Variants in AUTS2 observed in about 807,000 individuals in gnomAD.
AUTS2 encodes autism susceptibility gene 2 protein.
AUTS2 carries 17 observed loss-of-function variants against 112.4 expected under a neutral mutation model. The observed-to-expected ratio is 0.15, with a 90% CI of 0.10 to 0.23. The LOEUF (loss-of-function observed/expected upper bound fraction) is 0.23. AUTS2 is among the 10% of genes least tolerant of loss of function. The probability of loss-of-function intolerance (pLI) is 1.00; values close to 1 mark genes in which losing one functional copy is unlikely to be tolerated. For missense variants in AUTS2, 1,510 were observed against 1,701.6 expected (o/e 0.89, Z 1.98); for synonymous variants, 751 against 702.7 (o/e 1.07, Z -1.09).
At chr7:70,227,422 GT>G (rs1471799381) in intron 4 of AUTS2, among the ~76,000 whole-genome samples, 1 of 151,964 alleles carries the variant, frequency 6.6e-6, no homozygotes, top group Admixed American at 6.5e-5. Flanking sequence ...AATTCAATGA[GT>G]TTTAGTAAAT....
chr7:69,719,176 T>C (rs1554353529), intron 1 of AUTS2, among the ~76,000 whole-genome samples: 1 of 152,220 alleles, frequency 6.6e-6, no homozygotes, highest in Non-Finnish European at 1.5e-5. Context: ...GTAGAACCTA[T>C]TGGTTCTTGT....
chr7:70,626,119 G>T (rs1245634838), intron 5 of AUTS2, among the ~76,000 whole-genome samples: 1 of 151,816 alleles, frequency 6.6e-6, no homozygotes, highest in African/African-American at 2.4e-5. Flanking sequence ...CACCATATTG[G>T]TCAGGCTGGT....
intron 4 of AUTS2, among the ~76,000 whole-genome samples, chr7:70,188,794 T>C (rs1175400323): frequency 2.6e-5 from 4 of 151,816 alleles, no homozygotes; most frequent in African/African-American, 9.7e-5. Flanking sequence ...CTTTTTTTTT[T>C]TTTTGAGACG....
intron 4 of AUTS2, among the ~76,000 whole-genome samples, chr7:70,223,077 C>T (rs759458317): frequency 2.0e-5 from 3 of 151,812 alleles, no homozygotes; most frequent in East Asian, 1.9e-4. Context: ...TTAGTAGAGA[C>T]GGGGTTTCAC....
At chr7:70,023,643 G>T (rs1421892211) in intron 2 of AUTS2, among the ~76,000 whole-genome samples, 5 of 152,098 alleles carry the variant, frequency 3.3e-5, no homozygotes, top group African/African-American at 1.2e-4. Context: ...TTTGGAGTTT[G>T]GTTGGAGGAT....
chr7:69,846,824 T>C (rs1272705178), intron 1 of AUTS2, among the ~76,000 whole-genome samples: 2 of 152,214 alleles, frequency 1.3e-5, no homozygotes, highest in Non-Finnish European at 2.9e-5. Context: ...TCCGCCTGCC[T>C]TGGCCTCCAA....
intron 1 of AUTS2, among the ~76,000 whole-genome samples, chr7:69,677,160 T>C (rs1400448945): frequency 2.0e-5 from 3 of 152,196 alleles, no homozygotes; most frequent in Non-Finnish European, 4.4e-5. Context: ...CTGTGTACCA[T>C]TCTTTATAAA....
At chr7:70,172,901 C>T (rs1364328878) in intron 4 of AUTS2, among the ~76,000 whole-genome samples, 3 of 152,200 alleles carry the variant, frequency 2.0e-5, no homozygotes, top group South Asian at 4.1e-4. Context: ...TTCTCCAAAC[C>T]TTCAAGGATT....
intron 2 of AUTS2, among the ~76,000 whole-genome samples, chr7:70,052,306 G>C (rs1438341021): frequency 6.6e-6 from 1 of 152,124 alleles, no homozygotes; most frequent in Non-Finnish European, 1.5e-5. Context: ...AATGACAGGG[G>C]TTACAGCTAA....
chr7:69,861,252 C>T (rs1230127665), intron 1 of AUTS2, among the ~76,000 whole-genome samples: 1 of 152,160 alleles, frequency 6.6e-6, no homozygotes, highest in Non-Finnish European at 1.5e-5. Context: ...GCTTGAAGGA[C>T]CCATAAATGG....
chr7:70,726,690 T>C (rs1179399222), intron 6 of AUTS2, among the ~76,000 whole-genome samples: 1 of 152,180 alleles, frequency 6.6e-6, no homozygotes, highest in African/African-American at 2.4e-5. Flanking sequence ...TCCAGCTTAT[T>C]GCTGTTGGAG....
chr7:70,370,559 C>T (rs960552899), intron 4 of AUTS2, among the ~76,000 whole-genome samples: 8 of 152,128 alleles, frequency 5.3e-5, no homozygotes, highest in Admixed American at 3.9e-4. Context: ...ATTGATACAC[C>T]ACATTTTGTT....
At chr7:70,217,517 T>A (rs890606254) in intron 4 of AUTS2, among the ~76,000 whole-genome samples, 4 of 152,240 alleles carry the variant, frequency 2.6e-5, no homozygotes, top group Non-Finnish European at 5.9e-5. Context: ...CTTTTTTAAC[T>A]GCAAAGACTA....
At chr7:70,747,286 T>A (rs1391986957) in intron 6 of AUTS2, among the ~76,000 whole-genome samples, 1 of 152,246 alleles carries the variant, frequency 6.6e-6, no homozygotes, top group Non-Finnish European at 1.5e-5. Context: ...TCAACTTGGT[T>A]GTCTGAGAGC....
chr7:69,757,839 C>A (rs900276807), intron 1 of AUTS2, among the ~76,000 whole-genome samples: 3 of 152,148 alleles, frequency 2.0e-5, no homozygotes, highest in African/African-American at 7.2e-5. Context: ...CTTTATCCAG[C>A]AAATGTGCAA....
intron 5 of AUTS2, among the ~76,000 whole-genome samples, chr7:70,651,298 C>T (rs1806494041): frequency 6.6e-6 from 1 of 152,134 alleles, no homozygotes; most frequent in Non-Finnish European, 1.5e-5. Flanking sequence ...ATAGCCTGCC[C>T]CCTCTCTGGT....
Position 70,248,247 on chromosome 7 carries a change from T to C in AUTS2, c.660+113676T>C, listed in dbSNP as rs537875582. ...CCTCAGCCTTCCTAGTAGCTGGGAC[T>C]ACAGGCACCCACTACCACGCCCAGC... On this transcript the variant is annotated intron_variant, in intron 4 of 18. Transcript: ENST00000342771. 1.3e-3 allele frequency among the ~76,000 whole-genome samples: 197 copies of C among 152,216 alleles called. 1 individual carries two copies. In the Middle Eastern group the frequency reaches 0.02, roughly 16 times the overall value.
chr7:69,666,407 T>C (rs1188132715), intron 1 of AUTS2, among the ~76,000 whole-genome samples: 2 of 152,228 alleles, frequency 1.3e-5, no homozygotes, highest in Non-Finnish European at 2.9e-5. Flanking sequence ...GATCAAATAC[T>C]ATTACTCTTT....
chr7:69,604,727 A>G (rs566507941), intron 1 of AUTS2, among the ~76,000 whole-genome samples: 2 of 152,368 alleles, frequency 1.3e-5, no homozygotes, highest in Non-Finnish European at 2.9e-5. Flanking sequence ...GTGGTAAGTA[A>G]AGAGTGCTTG....
Sources: gnomAD v4.1 joint callset for allele counts (sites outside exome capture counted in the v4.1 genomes callset) on GRCh38, gnomAD v4.1.1 for gene constraint, MANE v1.5 for transcripts, NCBI Gene and HGNC (gene_info 2026-07-23, HGNC 2026-07-21) for gene names.